Variants in SYNC observed in about 807,000 individuals in gnomAD.
The protein encoded by SYNC is syncoilin.
A neutral mutation model predicts 49.5 loss-of-function variants in SYNC; 38 were observed. That is an observed-to-expected ratio of 0.77 (90% confidence interval 0.59 to 1.01). The LOEUF is 1.01. Among genes scored for constraint, SYNC ranks in the 50% least tolerant of loss-of-function variants. The pLI is 0.00. For missense variants in SYNC, 579 were observed against 580.6 expected, an observed-to-expected ratio of 1.00 and a Z score of 0.03; for synonymous variants, 201 against 230.8, an observed-to-expected ratio of 0.87 and a Z score of 1.17.
chr1:32,693,490 T>C (rs576266771), intron 2 of SYNC, among the ~76,000 whole-genome samples: 79 of 152,338 alleles, frequency 5.2e-4, no homozygotes, highest in African/African-American at 1.8e-3. Context: ...CATATCACAA[T>C]CTCTGGGAAG....
intron 1 of SYNC, among the ~76,000 whole-genome samples, chr1:32,699,492 C>G (rs1479727346): frequency 6.6e-6 from 1 of 151,928 alleles, no homozygotes; most frequent in Non-Finnish European, 1.5e-5. Flanking sequence ...ACTACAGTCT[C>G]CATCCCCCTC....
At chr1:32,689,221 G>C (rs2642553) in intron 2 of SYNC, among the ~76,000 whole-genome samples, 133,938 of 136,544 alleles carry the variant, frequency 0.98, 65,746 homozygotes, top group Non-Finnish European at 1. Flanking sequence ...CAGGCGTGAG[G>C]CACCTCGCCT....
Position 32,680,200 on chromosome 1 carries a change from G to C in SYNC, c.*1650C>G, listed in dbSNP as rs1215071377. On this transcript the variant is annotated 3_prime_UTR_variant, in exon 5 of 5. Transcript: ENST00000409190. ...CTTTCCAGGATGCACATTTTCATAC[G>C]TAGACCAGTTTCCTCTTGGTTTCTT... 1 of 1,109,570 alleles carries C rather than the reference G, an allele frequency of 9.0e-7. No individual in the cohort carries two copies. Among genetic ancestry groups the C allele is most frequent in the African/African-American group, 1.6e-5 (1 of 60,630 alleles). The allele number at this position is 1,109,570 out of a possible 1,614,324, so 68.7% of individuals were successfully genotyped here. A position where few individuals can be genotyped will look rare whatever the true frequency, so the allele number is the denominator to read the frequency against.
chr1:32,693,024 A>C (rs1002370029), intron 2 of SYNC, among the ~76,000 whole-genome samples: 2 of 152,002 alleles, frequency 1.3e-5, no homozygotes, highest in African/African-American at 4.8e-5. Flanking sequence ...AATAAAGATA[A>C]AAATAAAAAA....
At chr1:32,683,930 G>A in intron 4 of SYNC, 80 bp downstream of exon 4, 2 of 1,438,550 alleles carry the variant, frequency 1.4e-6, no homozygotes, top group Non-Finnish European at 1.9e-6. Context: ...ACCCCGTCCG[G>A]CCTGTTTTTA....
chr1:32,683,480 G>A (rs1233471661), intron 4 of SYNC: 1 of 152,420 alleles, frequency 6.6e-6, no homozygotes, highest in Non-Finnish European at 1.5e-5. Context: ...AAGCCTAGAT[G>A]CCACAGAATT....
intron 1 of SYNC, among the ~76,000 whole-genome samples, chr1:32,696,452 A>G (rs1570923797): frequency 6.7e-6 from 1 of 149,206 alleles, no homozygotes; most frequent in African/African-American, 2.5e-5. Flanking sequence ...TAGCACCACC[A>G]CGCCTTTTTT....
In SYNC at chr1:32,695,497, C is replaced by G. The variant is rs1307608430; in HGVS notation, c.601G>C (p.Val201Leu). The change falls in exon 2 of 5, where the codon GTA becomes CTA. Residue 201 changes from valine to leucine, a missense_variant. Transcript: ENST00000409190. ...TGCAGGGCTGGTTCCCGGAGCAATA[C>G]AAGCTCATGGATGAGCTGATCCCTC... is the stretch of plus-strand genomic sequence containing the variant. ...EERDQLIHEL[V>L]LLREPALQEV... 2.6e-6 allele frequency: 4 copies of G among 1,551,538 alleles called. No individual in the cohort carries two copies. In the Admixed American group the frequency reaches 7.9e-5, roughly 30 times the overall value.
At chr1:32,698,757 T>C (rs192500723) in intron 1 of SYNC, among the ~76,000 whole-genome samples, 69 of 151,874 alleles carry the variant, frequency 4.5e-4, no homozygotes, top group Non-Finnish European at 8.1e-4. Flanking sequence ...CTTTGGTCTT[T>C]CCTGTTTCTG....
Position 32,702,527 on chromosome 1 carries a change from C to A in SYNC, c.53+81G>T. The A allele has an allele frequency of 8.4e-7, 1 of 1,186,168 alleles. No homozygotes were observed. The highest frequency in any genetic ancestry group is 4.3e-5 in the South Asian group (1 of 23,376). The allele number at this position is 1,186,168 out of a possible 1,614,324, so 73.5% of individuals were successfully genotyped here. A position where few individuals can be genotyped will look rare whatever the true frequency, so the allele number is the denominator to read the frequency against. On this transcript the variant is annotated intron_variant, in intron 1 of 4. Coordinates refer to ENST00000409190, the MANE Select transcript of SYNC (RefSeq NM_030786.3). The surrounding 1 kb of genome is among the most constrained non-coding windows in gnomAD (Gnocchi z 6.2). ...CTACCCCTAGACAGGCGAAAGACGC[C>A]CGCGGTCGGGGGGAAAGGGAACCCG...
intron 2 of SYNC, among the ~76,000 whole-genome samples, chr1:32,688,259 T>G (rs1250849648): frequency 2.0e-5 from 3 of 152,164 alleles, no homozygotes; most frequent in African/African-American, 7.2e-5. Flanking sequence ...GGCAAATCAC[T>G]GCTCTGCCTT....
At chr1:32,687,722 C>T (rs1005221274) in intron 2 of SYNC, among the ~76,000 whole-genome samples, 1 of 151,494 alleles carries the variant, frequency 6.6e-6, no homozygotes, top group Non-Finnish European at 1.5e-5. Context: ...GTTAACATTC[C>T]TTGTGATTCC....
chr1:32,680,555 C>T lies in SYNC; in HGVS notation c.*1295G>A. ...TAGTCCTTGACCACTAGTTTGATGC[C>T]ATCTCCATTTTGGGTGACCTGTTTC... On this transcript the variant is annotated 3_prime_UTR_variant, in exon 5 of 5. Coordinates refer to ENST00000409190, the MANE Select transcript of SYNC (RefSeq NM_030786.3). 2.6e-6 allele frequency: 4 copies of T among 1,541,458 alleles called. No individual in the cohort carries two copies. The highest frequency in any genetic ancestry group is 3.5e-6 in the Non-Finnish European group (4 of 1,140,318).
chr1:32,702,498 A>T lies in SYNC; in HGVS notation c.53+110T>A, dbSNP rs1192679946. 9.3e-7 allele frequency: 1 copy of T among 1,070,756 alleles called. No homozygotes were observed. The highest frequency in any genetic ancestry group is 1.2e-6 in the Non-Finnish European group (1 of 857,964). 66.3% of individuals were successfully genotyped at this position (1,070,756 alleles called of 1,614,324 possible). ...GGCTCCAGTGCCCCACCCCGGCTGG[A>T]CCACTACCCCTAGACAGGCGAAAGA... On this transcript the variant is annotated intron_variant, in intron 1 of 4. Coordinates refer to ENST00000409190, the MANE Select transcript of SYNC (RefSeq NM_030786.3). This position sits in a 1 kb window ranked among gnomAD's most constrained non-coding sequence, Gnocchi z 6.2.
chr1:32,702,792 G>C, upstream of SYNC: 1 of 756,348 alleles, frequency 1.3e-6, no homozygotes. The surrounding 1 kb of genome is among the most constrained non-coding windows in gnomAD (Gnocchi z 6.2). Context: ...GGCCGGGCGC[G>C]CCCACTTGGC....
rs530922465 is a variant in SYNC, at chr1:32,680,464, A to G, written c.*1386T>C. 9 of 1,535,276 alleles carry G rather than the reference A, an allele frequency of 5.9e-6. No individual in the cohort carries two copies. The highest frequency in any genetic ancestry group is 4.1e-5 in the Admixed American group (2 of 48,616). On this transcript the variant is annotated 3_prime_UTR_variant, in exon 5 of 5. Transcript: ENST00000409190. ...CTGTCAAGTTGAGAAGAGTGAATCA[A>G]TAACTTGTATTTGTTTTAAAAATTA...
Position 32,695,386 on chromosome 1 carries a change from C to T in SYNC, c.712G>A (p.Glu238Lys). The change falls in exon 2 of 5, where the codon GAG (glutamate) becomes AAG (lysine). Residue 238 changes from glutamate to lysine, a missense_variant. By Grantham distance (56) the Glu-to-Lys change is moderately conservative. Coordinates refer to ENST00000409190, the MANE Select transcript of SYNC (RefSeq NM_030786.3). ...AGCTTCTGCTTGACCAGCCGGATCT[C>T]CTCCCTTAGGCCATCTCTCTCCAGC... ...AELERDGLRE[E>K]IRLVKQKLFK... The T allele has an allele frequency of 6.4e-7, 1 of 1,551,802 alleles. No individual in the cohort carries two copies. The highest frequency in any genetic ancestry group is 8.7e-7 in the Non-Finnish European group (1 of 1,147,092).
Position 32,687,828 on chromosome 1 carries a change from C to G in SYNC, c.1234-3446G>C, listed in dbSNP as rs540783324. Among the ~76,000 whole-genome samples, 230 of 38,928 alleles carry G rather than the reference C, an allele frequency of 5.9e-3. 2 individuals are homozygous for G. The highest frequency in any genetic ancestry group is 0.027 in the Middle Eastern group (2 of 74). 25.5% of individuals were successfully genotyped at this position (38,928 alleles called of 152,430 possible). On this transcript the variant is annotated intron_variant, in intron 2 of 4. Transcript: ENST00000409190. ...CTGGAAGACCTCTCCCTTACCTGCC[C>G]AGTGAATTATTATTATTATTATTAT...
intron 2 of SYNC, among the ~76,000 whole-genome samples, chr1:32,692,149 G>A (rs562602426): frequency 5.9e-5 from 9 of 151,936 alleles, no homozygotes; most frequent in African/African-American, 9.7e-5. Flanking sequence ...GGACAATGGC[G>A]CGAACCCGGG....
Sources: gnomAD v4.1 joint callset for allele counts (sites outside exome capture counted in the v4.1 genomes callset) on GRCh38, gnomAD v4.1.1 for gene constraint, Gnocchi (gnomAD v3.1) non-coding constraint, MANE v1.5 for transcripts, NCBI Gene and HGNC (gene_info 2026-07-23, HGNC 2026-07-21) for gene names.